The following BMPR1B variants were observed in gnomAD, a reference collection of about 807,000 sequenced individuals.
BMPR1B encodes bone morphogenetic protein receptor type 1B.
A neutral mutation model predicts 59.1 loss-of-function variants in BMPR1B; 12 were observed. That is an observed-to-expected ratio of 0.20 (90% CI 0.13 to 0.33). BMPR1B has a LOEUF of 0.33. BMPR1B is among the 10% of genes least tolerant of loss of function. The probability of loss-of-function intolerance (pLI) is 1.00; values close to 1 mark genes in which losing one functional copy is unlikely to be tolerated. For synonymous variants in BMPR1B, 237 were observed against 207.3 expected (o/e 1.14, Z -1.23); for missense variants, 550 against 610.9 (o/e 0.90, Z 1.05).
chr4:95,088,196 A>G (rs1315859219), intron 3 of BMPR1B, among the ~76,000 whole-genome samples: 2 of 152,178 alleles, frequency 1.3e-5, no homozygotes, highest in Non-Finnish European at 2.9e-5. Context: ...AATGCAGATA[A>G]ATGGCTTTCA....
intron 3 of BMPR1B, chr4:95,051,892 C>G: frequency 1.1e-6 from 1 of 915,216 alleles, no homozygotes; most frequent in Non-Finnish European, 1.6e-6. Context: ...AAAGTTCCAT[C>G]CCCCATTCTC....
At chr4:95,038,194 A>T (rs1315817539) in intron 3 of BMPR1B, among the ~76,000 whole-genome samples, 1 of 152,170 alleles carries the variant, frequency 6.6e-6, no homozygotes, top group South Asian at 2.1e-4. Context: ...CAGGAGACAC[A>T]AAGCTCTGAG....
At chr4:94,970,338 G>A (rs984766977) in intron 2 of BMPR1B, among the ~76,000 whole-genome samples, 1 of 109,602 alleles carries the variant, frequency 9.1e-6, no homozygotes, top group African/African-American at 3.6e-5. Flanking sequence ...TTCTCTTTCG[G>A]AGTTTCACTC....
intron 2 of BMPR1B, among the ~76,000 whole-genome samples, chr4:94,876,342 C>G (rs1726730258): frequency 6.6e-6 from 1 of 152,170 alleles, no homozygotes; most frequent in Non-Finnish European, 1.5e-5. Context: ...TGGTGTCACT[C>G]ATTTTAGAGG....
chr4:95,080,358 T>A (rs1729035143), intron 3 of BMPR1B, among the ~76,000 whole-genome samples: 1 of 152,104 alleles, frequency 6.6e-6, no homozygotes, highest in Admixed American at 6.6e-5. Context: ...TCCCTCAACC[T>A]CCTGAGTAGC....
Position 95,123,924 on chromosome 4 carries a change from A to G in BMPR1B, c.446+18A>G. 6.4e-7 allele frequency: 1 copy of G among 1,563,218 alleles called. No homozygotes were observed. Among genetic ancestry groups the G allele is most frequent in the Non-Finnish European group, 8.8e-7 (1 of 1,136,534 alleles). ...TACTTCCGGTAAGTTTCTAACATGT[A>G]GATGCAAAATTTTTAATTTATAGTG... is the stretch of plus-strand genomic sequence containing the variant. On this transcript the variant is annotated intron_variant, in intron 7 of 12. Transcript: ENST00000515059.
Position 95,115,581 on chromosome 4 carries a change from A to G in BMPR1B, c.247-104A>G, listed in dbSNP as rs113105214. On this transcript the variant is annotated intron_variant, in intron 5 of 12. Transcript: ENST00000515059. Reference sequence around the variant, plus strand: ...AAGGTGTTTGAGTGAAATTGTTAGAATTTTAAATTAGTTCTCTAAATAGTG... The same window carrying G: ...AAGGTGTTTGAGTGAAATTGTTAGAGTTTTAAATTAGTTCTCTAAATAGTG... 37 of 978,366 alleles carry G rather than the reference A, an allele frequency of 3.8e-5. 1 individual carries two copies. Among genetic ancestry groups the G allele is most frequent in the African/African-American group, 3.4e-4 (21 of 62,166 alleles). 60.6% of individuals were successfully genotyped at this position (978,366 alleles called of 1,614,324 possible). A position where few individuals can be genotyped will look rare whatever the true frequency, so the allele number is the denominator to read the frequency against.
At chr4:95,136,738 T>A (rs565844205) in intron 10 of BMPR1B, among the ~76,000 whole-genome samples, 1 of 152,322 alleles carries the variant, frequency 6.6e-6, no homozygotes, top group South Asian at 2.1e-4. Flanking sequence ...TGTATTTCTG[T>A]GGGATCGGTG....
chr4:94,809,751 C>T (rs1237086894), intron 1 of BMPR1B, among the ~76,000 whole-genome samples: 1 of 152,188 alleles, frequency 6.6e-6, no homozygotes, highest in African/African-American at 2.4e-5. Context: ...TTCAGCATAC[C>T]AGTTAGCTTT....
intron 2 of BMPR1B, among the ~76,000 whole-genome samples, chr4:94,926,057 C>CT (rs2149029273): frequency 1.5e-5 from 1 of 65,450 alleles, no homozygotes; most frequent in African/African-American, 1.0e-4. Flanking sequence ...TACCCTCCCT[C>CT]CCCCCCAATC....
At chr4:94,758,945 G>C (rs903372861) in intron 1 of BMPR1B, among the ~76,000 whole-genome samples, 6 of 151,596 alleles carry the variant, frequency 4.0e-5, no homozygotes, top group African/African-American at 1.5e-4. Flanking sequence ...TCTCTCAAGA[G>C]GCTTTCGCTC....
intron 1 of BMPR1B, among the ~76,000 whole-genome samples, chr4:94,831,584 T>A (rs1190684543): frequency 6.6e-6 from 1 of 152,306 alleles, no homozygotes; most frequent in East Asian, 1.9e-4. Context: ...TACCATTTTT[T>A]ATGGTACAGT....
At chr4:94,758,253 G>A (rs1721604143) in intron 1 of BMPR1B, among the ~76,000 whole-genome samples, 185 bp downstream of exon 1, 1 of 148,884 alleles carries the variant, frequency 6.7e-6, no homozygotes, top group Middle Eastern at 3.8e-3. Context: ...GGGCGAGAGC[G>A]AGGGCGGGCT....
intron 3 of BMPR1B, chr4:95,051,593 C>G (rs865852748): frequency 9.4e-7 from 1 of 1,058,582 alleles, no homozygotes; most frequent in Admixed American, 2.1e-5. Flanking sequence ...GGCAGGCTTG[C>G]GAGAAGATCT....
At chr4:95,131,591 A>T in intron 10 of BMPR1B, 79 bp downstream of exon 10, 9 of 1,490,584 alleles carry the variant, frequency 6.0e-6, no homozygotes, top group Non-Finnish European at 8.4e-6. Flanking sequence ...TGCTTCTAGG[A>T]TATTTAGTAG....
At chr4:94,805,880 G>T (rs1192329125) in intron 1 of BMPR1B, among the ~76,000 whole-genome samples, 2 of 151,986 alleles carry the variant, frequency 1.3e-5, no homozygotes, top group Non-Finnish European at 2.9e-5. Flanking sequence ...ATAGAATGAA[G>T]AAAATGAATG....
chr4:95,131,286 A>G lies in BMPR1B; in HGVS notation c.850A>G (p.Asn284Asp). ...QLYLITDYHENGSLYDYLKST... is the reference protein window; with the variant it reads ...QLYLITDYHEDGSLYDYLKST... ...GTACCTAATCACAGACTATCATGAA[A>G]ATGGTTCCCTTTATGATTATCTGAA... Residue 284 changes from asparagine (N) to aspartate (D), a missense_variant, in exon 10 of 13, where the codon AAT becomes GAT. By Grantham distance (23) the Asn-to-Asp change is conservative. Coordinates refer to ENST00000515059, the MANE Select transcript of BMPR1B (RefSeq NM_001203.3). 3.7e-6 allele frequency: 6 copies of G among 1,613,924 alleles called. No homozygotes were observed. The highest frequency in any genetic ancestry group is 1.1e-5 in the South Asian group (1 of 91,060).
At chr4:95,064,114 A>G (rs1028510207) in intron 3 of BMPR1B, among the ~76,000 whole-genome samples, 1 of 152,180 alleles carries the variant, frequency 6.6e-6, no homozygotes, top group Non-Finnish European at 1.5e-5. Context: ...ATATGGAAAT[A>G]TTCATAAGAT....
intron 1 of BMPR1B, among the ~76,000 whole-genome samples, chr4:94,849,116 G>T (rs1725465462): frequency 6.6e-6 from 1 of 152,176 alleles, no homozygotes. Flanking sequence ...TGTAGGGAGT[G>T]AATGTAGATA....
Sources: gnomAD v4.1 joint callset for allele counts (sites outside exome capture counted in the v4.1 genomes callset) on GRCh38, gnomAD v4.1.1 for gene constraint, MANE v1.5 for transcripts, NCBI Gene and HGNC (gene_info 2026-07-23, HGNC 2026-07-21) for gene names.